The following COP1 variants were observed in gnomAD, a reference collection of about 807,000 sequenced individuals.
COP1 encodes E3 ubiquitin-protein ligase COP1.
A neutral mutation model predicts 101.3 loss-of-function variants in COP1; 24 were observed. That is an observed-to-expected ratio of 0.24 (90% confidence interval 0.17 to 0.33). The LOEUF is 0.33. Among genes scored for constraint, COP1 ranks in the 10% least tolerant of loss-of-function variants. COP1 has a pLI of 1.00. For missense variants in COP1, 663 were observed against 906.2 expected (o/e 0.73, Z 3.45); for synonymous variants, 347 against 341.9 (o/e 1.01, Z -0.17).
intron 18 of COP1, among the ~76,000 whole-genome samples, chr1:175,957,615 A>G (rs1480768592): frequency 6.6e-6 from 1 of 152,204 alleles, no homozygotes; most frequent in South Asian, 2.1e-4. Flanking sequence ...CTATGGAAAA[A>G]GGTTTGACAG....
chr1:175,950,914 C>T (rs1649812358), intron 18 of COP1, among the ~76,000 whole-genome samples: 2 of 152,112 alleles, frequency 1.3e-5, no homozygotes, highest in African/African-American at 2.4e-5. Flanking sequence ...ATAGTTTTAT[C>T]TTTATTGACT....
At chr1:176,064,241 C>CA (rs984337838) in intron 11 of COP1, among the ~76,000 whole-genome samples, 18 of 152,060 alleles carry the variant, frequency 1.2e-4, no homozygotes, top group African/African-American at 4.3e-4. Flanking sequence ...CTTACAATTC[C>CA]AAAAAACTGA....
At chr1:176,077,503 A>C (rs893263933) in intron 11 of COP1, among the ~76,000 whole-genome samples, 2 of 152,218 alleles carry the variant, frequency 1.3e-5, no homozygotes, top group African/African-American at 2.4e-5. Context: ...AACATAACCC[A>C]AAATAGTAAG....
chr1:175,996,126 A>C (rs983488644), intron 15 of COP1, among the ~76,000 whole-genome samples: 1 of 151,804 alleles, frequency 6.6e-6, no homozygotes, highest in African/African-American at 2.4e-5. Context: ...CCAGCATATA[A>C]ACAGAACCAA....
At chr1:176,000,136 T>C (rs1446501298) in intron 15 of COP1, among the ~76,000 whole-genome samples, 1 of 152,102 alleles carries the variant, frequency 6.6e-6, no homozygotes, top group East Asian at 1.9e-4. Context: ...TGTCCATTTT[T>C]GCTTTGGCTG....
At chr1:176,185,231 C>T (rs1010243661) in intron 1 of COP1, among the ~76,000 whole-genome samples, 1 of 152,122 alleles carries the variant, frequency 6.6e-6, no homozygotes. Flanking sequence ...TATATATTGA[C>T]TCATTTAATA....
Position 176,206,822 on chromosome 1 carries a change from C to A in COP1, c.157G>T (p.Ala53Ser), listed in dbSNP as rs1185657903. The change falls in exon 1 of 20, where the codon GCC (alanine) becomes TCC (serine). Residue 53 changes from alanine (A) to serine (S), a missense_variant. Coordinates refer to ENST00000367669, the MANE Select transcript of COP1 (RefSeq NM_022457.7). ...AGGCCGCCCGAGCCGGCGGCCTGGG[C>A]CACCCCGCCGGACACCAGCGCTGCC... ...SAAALVSGGV[A>S]QAAGSGGLGG... is the part of the protein sequence containing the mutation. 1 of 1,398,720 alleles carries A rather than the reference C, an allele frequency of 7.1e-7. No homozygotes were observed. The highest frequency in any genetic ancestry group is 1.5e-5 in the South Asian group (1 of 64,536). 86.6% of individuals were successfully genotyped at this position (1,398,720 alleles called of 1,614,324 possible).
chr1:175,978,415 G>T (rs1655058492), intron 18 of COP1, among the ~76,000 whole-genome samples: 1 of 152,064 alleles, frequency 6.6e-6, no homozygotes, highest in Non-Finnish European at 1.5e-5. Context: ...TTTCCCAGAG[G>T]CTGTCCACAC....
At chr1:176,204,993 C>G (rs953161423) in intron 1 of COP1, among the ~76,000 whole-genome samples, 4 of 152,170 alleles carry the variant, frequency 2.6e-5, no homozygotes, top group Non-Finnish European at 5.9e-5. Flanking sequence ...CTGCAGTGCA[C>G]TGAACTTCAT....
At chr1:176,095,944 C>G (rs528138584) in intron 9 of COP1, among the ~76,000 whole-genome samples, 1 of 152,290 alleles carries the variant, frequency 6.6e-6, no homozygotes, top group Admixed American at 6.5e-5. Context: ...TAAATCCAGG[C>G]CTTTGCATGT....
intron 5 of COP1, among the ~76,000 whole-genome samples, chr1:176,154,471 T>C (rs1392962867): frequency 1.3e-5 from 2 of 152,152 alleles, no homozygotes; most frequent in East Asian, 1.9e-4. Flanking sequence ...AAAAAGGAGA[T>C]CACGTCCTCT....
At chr1:176,170,951 C>T (rs1695950601) in intron 3 of COP1, among the ~76,000 whole-genome samples, 1 of 151,672 alleles carries the variant, frequency 6.6e-6, no homozygotes, top group Admixed American at 6.6e-5. Flanking sequence ...CAGTGAAACC[C>T]CATCTCTACT....
At chr1:175,989,031 T>C in intron 16 of COP1, 1 of 189,180 alleles carries the variant, frequency 5.3e-6, no homozygotes, top group East Asian at 1.2e-4. Context: ...TTGCATCAAC[T>C]ATGTTGTTTA....
chr1:175,956,300 GT>G (rs1364832719), intron 18 of COP1, among the ~76,000 whole-genome samples: 2 of 151,984 alleles, frequency 1.3e-5, no homozygotes, highest in Non-Finnish European at 2.9e-5. Context: ...ACAACCATAT[GT>G]GTGCTAAAAC....
chr1:176,102,335 G>A (rs375677421), intron 9 of COP1, among the ~76,000 whole-genome samples: 1 of 152,004 alleles, frequency 6.6e-6, no homozygotes, highest in Non-Finnish European at 1.5e-5. Context: ...TTTCCCATTC[G>A]TGTGACAAGA....
intron 2 of COP1, among the ~76,000 whole-genome samples, chr1:176,179,610 C>A (rs927691569): frequency 6.6e-6 from 1 of 151,578 alleles, no homozygotes; most frequent in African/African-American, 2.4e-5. Flanking sequence ...GGCAGTCTGT[C>A]CCTGTGATCC....
At chr1:176,057,525 C>G (rs1380837201) in intron 11 of COP1, among the ~76,000 whole-genome samples, 1 of 152,204 alleles carries the variant, frequency 6.6e-6, no homozygotes, top group Non-Finnish European at 1.5e-5. Context: ...TTGGTGGAGA[C>G]GGGGTTTCGC....
chr1:176,062,248 C>T (rs895712988), intron 11 of COP1, among the ~76,000 whole-genome samples: 2 of 152,080 alleles, frequency 1.3e-5, no homozygotes, highest in Non-Finnish European at 2.9e-5. Context: ...GTGATCTGCC[C>T]GCCTCAGTCT....
intron 9 of COP1, among the ~76,000 whole-genome samples, chr1:176,087,091 C>T (rs945593610): frequency 2.6e-5 from 4 of 152,196 alleles, no homozygotes; most frequent in African/African-American, 9.6e-5. Flanking sequence ...TTCCTTATAC[C>T]TTATACAAAA....
Sources: gnomAD v4.1 joint callset for allele counts (sites outside exome capture counted in the v4.1 genomes callset) on GRCh38, gnomAD v4.1.1 for gene constraint, MANE v1.5 for transcripts, NCBI Gene and HGNC (gene_info 2026-07-23, HGNC 2026-07-21) for gene names.